Variants in SEMA3A observed in about 807,000 individuals in gnomAD.
SEMA3A encodes the protein semaphorin 3A.
In SEMA3A, 29 loss-of-function variants were observed where a neutral mutation model predicts 97.9. That is an observed-to-expected ratio of 0.30 (90% confidence interval 0.22 to 0.40). The LOEUF (loss-of-function observed/expected upper bound fraction) is 0.40, where lower values mean the gene tolerates loss of function less well. Ranked by LOEUF, SEMA3A falls within the 10% of genes least tolerant of loss-of-function variation. The pLI is 1.00. For missense variants in SEMA3A, 763 were observed against 951.3 expected, an observed-to-expected ratio of 0.80 and a Z score of 2.60; for synonymous variants, 321 against 323.7, an observed-to-expected ratio of 0.99 and a Z score of 0.09.
intron 14 of SEMA3A, among the ~76,000 whole-genome samples, chr7:83,979,223 T>C (rs1468077772): frequency 1.3e-5 from 2 of 150,960 alleles, no homozygotes; most frequent in Admixed American, 1.3e-4. Context: ...AACCTCTGCC[T>C]CCTGGGTTCA....
In SEMA3A at chr7:84,031,705, G is replaced by T. The variant is rs2116466017; in HGVS notation, c.667+14619C>A. ...AAAAAAATCAGCTGGGTGTGGTGGT[G>T]CATGCCTGTAATCTCAGCTACTCGG... On this transcript the variant is annotated intron_variant, in intron 6 of 16. Coordinates refer to ENST00000265362, the MANE Select transcript of SEMA3A (RefSeq NM_006080.3). Among the ~76,000 whole-genome samples the T allele has an allele frequency of 2.0e-5, 3 of 152,010 alleles. 1 individual carries two copies. The South Asian group carries it at 6.2e-4, about 32-fold the overall frequency.
intron 3 of SEMA3A, among the ~76,000 whole-genome samples, chr7:84,280,885 A>G (rs1800425106): frequency 6.6e-6 from 1 of 152,222 alleles, no homozygotes; most frequent in Non-Finnish European, 1.5e-5. Flanking sequence ...TTCACATAGT[A>G]TATCATTGAA....
At chr7:84,473,604 G>A (rs530480567) in intron 1 of SEMA3A, among the ~76,000 whole-genome samples, 1 of 151,756 alleles carries the variant, frequency 6.6e-6, no homozygotes, top group East Asian at 1.9e-4. Flanking sequence ...AACCAGGCTG[G>A]ACTCCAACTC....
Position 84,207,429 on chromosome 7 carries a change from A to G in SEMA3A, c.-82-12761T>C, listed in dbSNP as rs1215303682. ...TGATTCAAATGATTCTATGTATTCC[A>G]TAACCCACTAAGATTAATTTGAAAA... is the stretch of plus-strand genomic sequence containing the variant. On this transcript the variant is annotated intron_variant, in intron 3 of 3. Coordinates refer to the SEMA3A transcript ENST00000424555. 3.3e-5 allele frequency among the ~76,000 whole-genome samples: 5 copies of G among 152,200 alleles called. No individual in the cohort carries two copies. The East Asian group carries it at 7.7e-4, about 23-fold the overall frequency.
chr7:84,025,632 T>G (rs1485340899), intron 6 of SEMA3A, among the ~76,000 whole-genome samples: 1 of 79,626 alleles, frequency 1.3e-5, no homozygotes. Flanking sequence ...GCCTTTGGGA[T>G]AGTTTAACCC....
At chr7:83,990,588 T>C (rs1365408947) in intron 12 of SEMA3A, among the ~76,000 whole-genome samples, 1 of 145,530 alleles carries the variant, frequency 6.9e-6, no homozygotes, top group Non-Finnish European at 1.5e-5. Context: ...CCTTTCCCCA[T>C]TGCTTGTTTT....
At chr7:84,228,095 G>C (rs1562861991) in intron 3 of SEMA3A, among the ~76,000 whole-genome samples, 1 of 152,042 alleles carries the variant, frequency 6.6e-6, no homozygotes, top group Non-Finnish European at 1.5e-5. Flanking sequence ...GCTGGGTGCA[G>C]AGATGTGGCA....
chr7:84,178,263 G>T (rs772803559), intron 1 of SEMA3A, among the ~76,000 whole-genome samples: 4 of 151,756 alleles, frequency 2.6e-5, no homozygotes, highest in Non-Finnish European at 5.9e-5. Flanking sequence ...AACACTTATT[G>T]TCTATTCAGC....
At chr7:84,287,256 T>C (rs547769679) in intron 3 of SEMA3A, among the ~76,000 whole-genome samples, 1 of 152,246 alleles carries the variant, frequency 6.6e-6, no homozygotes, top group East Asian at 1.9e-4. Context: ...ATATTGAAGA[T>C]GTACAATGTA....
At chr7:84,481,660 G>T (rs1158845112) in intron 1 of SEMA3A, among the ~76,000 whole-genome samples, 1 of 152,018 alleles carries the variant, frequency 6.6e-6, no homozygotes, top group East Asian at 1.9e-4. Context: ...GATAAATTAA[G>T]TTCACTCTTT....
At chr7:84,223,498 TAAC>T (rs1798925754) in intron 3 of SEMA3A, among the ~76,000 whole-genome samples, 2 of 151,782 alleles carry the variant, frequency 1.3e-5, no homozygotes, top group South Asian at 2.1e-4. Context: ...TTTTAGAAAA[TAAC>T]AAACTTACTT....
chr7:84,116,438 A>T (rs1455641449), intron 3 of SEMA3A, among the ~76,000 whole-genome samples: 1 of 152,212 alleles, frequency 6.6e-6, no homozygotes, highest in African/African-American at 2.4e-5. Context: ...AAAAGGTTTG[A>T]AAAGAAGTCA....
At chr7:84,425,003 T>TTA (rs1401378721) in intron 1 of SEMA3A, among the ~76,000 whole-genome samples, 1 of 103,516 alleles carries the variant, frequency 9.7e-6, no homozygotes, top group Non-Finnish European at 1.7e-5. Flanking sequence ...TTTTATTTAT[T>TTA]TATATATATT....
chr7:84,459,642 C>T (rs957011196), intron 1 of SEMA3A, among the ~76,000 whole-genome samples: 1 of 152,138 alleles, frequency 6.6e-6, no homozygotes, highest in Non-Finnish European at 1.5e-5. Context: ...GTGATTTTTG[C>T]ATTCAATAAA....
At chr7:83,998,346 A>T (rs1329742083) in intron 12 of SEMA3A, among the ~76,000 whole-genome samples, 1 of 152,226 alleles carries the variant, frequency 6.6e-6, no homozygotes, top group Non-Finnish European at 1.5e-5. Context: ...AATAGTAAGT[A>T]TTTGTGTATC....
At chr7:84,288,282 T>TA (rs1452268123) in intron 3 of SEMA3A, among the ~76,000 whole-genome samples, 1 of 152,152 alleles carries the variant, frequency 6.6e-6, no homozygotes, top group East Asian at 1.9e-4. Flanking sequence ...TAAATTTTTC[T>TA]AAAAAATATT....
intron 1 of SEMA3A, among the ~76,000 whole-genome samples, chr7:84,425,562 A>T (rs1804795600): frequency 6.9e-6 from 1 of 145,624 alleles, no homozygotes; most frequent in African/African-American, 2.5e-5. Flanking sequence ...ACATATTTAT[A>T]TGAGTATAAA....
chr7:84,402,982 C>T (rs1397538255), intron 1 of SEMA3A, among the ~76,000 whole-genome samples: 1 of 152,090 alleles, frequency 6.6e-6, no homozygotes, highest in Non-Finnish European at 1.5e-5. Context: ...ACGCAGAAGA[C>T]AGATGATTTC....
intron 3 of SEMA3A, among the ~76,000 whole-genome samples, chr7:84,128,361 G>A (rs529063382): frequency 7.9e-5 from 12 of 152,092 alleles, no homozygotes; most frequent in Admixed American, 4.6e-4. Flanking sequence ...GAAAAGATAC[G>A]TAATTTAATT....
Sources: gnomAD v4.1 joint callset for allele counts (sites outside exome capture counted in the v4.1 genomes callset) on GRCh38, gnomAD v4.1.1 for gene constraint, MANE v1.5 for transcripts, NCBI Gene and HGNC (gene_info 2026-07-23, HGNC 2026-07-21) for gene names.